The following GATA4 variants were observed in gnomAD, a reference collection of about 807,000 sequenced individuals.
The protein encoded by GATA4 is transcription factor GATA-4.
A neutral mutation model predicts 37.9 loss-of-function variants in GATA4; 7 were observed. The ratio of observed to expected loss-of-function variants is 0.18; its 90% CI spans 0.11 to 0.35. The LOEUF (loss-of-function observed/expected upper bound fraction) is 0.35. Among genes scored for constraint, GATA4 ranks in the 10% least tolerant of loss-of-function variants. The probability of loss-of-function intolerance (pLI) is 1.00; values close to 1 mark genes in which losing one functional copy is unlikely to be tolerated. For missense variants in GATA4, 647 were observed against 653.0 expected (o/e 0.99, Z 0.10); for synonymous variants, 372 against 292.6 (o/e 1.27, Z -2.77).
intron 1 of GATA4, among the ~76,000 whole-genome samples, chr8:11,677,283 T>C (rs935714490): frequency 2.6e-5 from 4 of 152,212 alleles, no homozygotes; most frequent in Non-Finnish European, 5.9e-5. Context: ...GATGAGGCTC[T>C]GTGAAGGCCA....
chr8:11,726,322 G>A (rs576614972), intron 2 of GATA4, among the ~76,000 whole-genome samples: 39 of 152,210 alleles, frequency 2.6e-4, no homozygotes, highest in Non-Finnish European at 3.8e-4. Context: ...CCTGAGAGAC[G>A]CCAGGGAGAC....
intron 1 of GATA4, chr8:11,683,233 G>C: frequency 2.9e-6 from 2 of 690,066 alleles, no homozygotes; most frequent in Non-Finnish European, 3.6e-6. Context: ...GGGGGAGGAC[G>C]GAGGGACGGG....
chr8:11,729,301 G>T (rs1236840431), intron 2 of GATA4, among the ~76,000 whole-genome samples: 1 of 152,134 alleles, frequency 6.6e-6, no homozygotes, highest in Non-Finnish European at 1.5e-5. Flanking sequence ...TGGGCGCGGT[G>T]GCTCATGCCT....
chr8:11,708,381 C>T lies in GATA4; in HGVS notation c.69C>T (p.Pro23=), dbSNP rs1411452741. 2.1e-5 allele frequency: 32 copies of T among 1,554,572 alleles called. No individual in the cohort carries two copies. Among genetic ancestry groups the T allele is most frequent in the Non-Finnish European group, 2.7e-5 (31 of 1,157,578 alleles). ...PPPGAYEAGG[P]GAFMHGAGAA... ...CCGGTGCCTACGAGGCGGGCGGCCCCGGCGCCTTCATGCACGGCGCGGGCG... is the reference window on the plus strand; with the variant it reads ...CCGGTGCCTACGAGGCGGGCGGCCCTGGCGCCTTCATGCACGGCGCGGGCG... Residue 23 remains proline, a synonymous_variant, in exon 2 of 7, where the codon CCC becomes CCT. Transcript: ENST00000532059. This position sits in a 1 kb window ranked among gnomAD's most constrained non-coding sequence, Gnocchi z 6.7.
chr8:11,728,357 CTTTTT>C (rs1476708174), intron 2 of GATA4, among the ~76,000 whole-genome samples: 1 of 152,074 alleles, frequency 6.6e-6, no homozygotes, highest in Non-Finnish European at 1.5e-5. Context: ...AAAATAGTAT[CTTTTT>C]TGTTTTATTT....
In GATA4 at chr8:11,750,353, G is replaced by A; in HGVS notation, c.912+117G>A. On this transcript the variant is annotated intron_variant, in intron 4 of 6. Coordinates refer to ENST00000532059, the MANE Select transcript of GATA4 (RefSeq NM_001308093.3). Reference sequence around the variant, plus strand: ...TTTTCCTTCTTAACAAAGAGACTTAGATTTGGAAGGGGCTTTCAACTACTT... The same window carrying A: ...TTTTCCTTCTTAACAAAGAGACTTAAATTTGGAAGGGGCTTTCAACTACTT... The A allele has an allele frequency of 3.5e-6, 5 of 1,410,254 alleles. No homozygotes were observed. In the South Asian group the frequency reaches 6.0e-5, roughly 17 times the overall value. The allele number at this position is 1,410,254 out of a possible 1,614,324, so 87.4% of individuals were successfully genotyped here. A position where few individuals can be genotyped will look rare whatever the true frequency, so the allele number is the denominator to read the frequency against.
At chr8:11,712,277 C>T (rs1800219918) in intron 2 of GATA4, among the ~76,000 whole-genome samples, 1 of 152,160 alleles carries the variant, frequency 6.6e-6, no homozygotes, top group African/African-American at 2.4e-5. Context: ...CTGGGACAGT[C>T]CCCAGTGAAC....
intron 2 of GATA4, among the ~76,000 whole-genome samples, chr8:11,720,249 C>T (rs769648359): frequency 4.0e-5 from 6 of 151,876 alleles, no homozygotes; most frequent in Non-Finnish European, 5.9e-5. Flanking sequence ...GAGTGTCTTC[C>T]GGCATGCCCC....
At chr8:11,724,588 C>G (rs537031312) in intron 2 of GATA4, among the ~76,000 whole-genome samples, 2 of 152,368 alleles carry the variant, frequency 1.3e-5, no homozygotes, top group Admixed American at 1.3e-4. Flanking sequence ...CTTGCCTTGT[C>G]TTGCCTTTTG....
intron 2 of GATA4, among the ~76,000 whole-genome samples, chr8:11,745,228 G>A (rs1801968725): frequency 6.6e-6 from 1 of 152,134 alleles, no homozygotes; most frequent in Admixed American, 6.5e-5. Context: ...TGAGTCGGCA[G>A]CTGAGATCAC....
chr8:11,692,935 G>T, intron 1 of GATA4: 2 of 984,804 alleles, frequency 2.0e-6, no homozygotes, highest in Non-Finnish European at 2.4e-6. Context: ...GGCCGTCAGC[G>T]CGCACCTCAT....
rs1295112863 is a variant in GATA4 at position 11,749,973 on chromosome 8, G to GT, written c.787-137dup. On this transcript the variant is annotated intron_variant, in intron 3 of 6. Coordinates refer to ENST00000532059, the MANE Select transcript of GATA4 (RefSeq NM_001308093.3). The surrounding 1 kb of genome is among the most constrained non-coding windows in gnomAD (Gnocchi z 4.6). The stretch of plus-strand genomic sequence containing the variant: ...ACAGGAGAGTTAGGTGCCGTCACAG[G>GT]TCAGAGATCTCATGCAGGGTCGTTA... 4.3e-6 allele frequency: 5 copies of GT among 1,153,814 alleles called. No homozygotes were observed. Among genetic ancestry groups the GT allele is most frequent in the South Asian group, 1.3e-5 (1 of 78,084 alleles). 71.5% of individuals were successfully genotyped at this position (1,153,814 alleles called of 1,614,324 possible).
At chr8:11,723,657 T>A (rs1800778518) in intron 2 of GATA4, among the ~76,000 whole-genome samples, 1 of 152,162 alleles carries the variant, frequency 6.6e-6, no homozygotes, top group South Asian at 2.1e-4. Flanking sequence ...TGCTATTGGG[T>A]TAGTCATTCA....
intron 1 of GATA4, chr8:11,697,892 A>G (rs1799552540): frequency 2.6e-5 from 26 of 985,312 alleles, no homozygotes; most frequent in Non-Finnish European, 3.1e-5. Context: ...GGCTCAGGGA[A>G]TGCCAGATCT....
upstream of GATA4, among the ~76,000 whole-genome samples, chr8:11,702,527 T>C (rs529057963): frequency 2.1e-4 from 31 of 151,120 alleles, no homozygotes; most frequent in African/African-American, 6.1e-4. The surrounding 1 kb of genome is among the most constrained non-coding windows in gnomAD (Gnocchi z 4.4). Context: ...TGCTTCCTTC[T>C]CCGCTGAGTC....
chr8:11,757,705 TG>T (rs1313971731), intron 6 of GATA4, among the ~76,000 whole-genome samples: 1 of 152,204 alleles, frequency 6.6e-6, no homozygotes, highest in African/African-American at 2.4e-5. Flanking sequence ...GGGGACGCCC[TG>T]GGGCAGCCCA....
upstream of GATA4, chr8:11,692,544 G>C (rs771647618): frequency 1.1e-5 from 11 of 985,350 alleles, no homozygotes; most frequent in African/African-American, 1.7e-4. Context: ...GATCTAGATT[G>C]AATCTGATCC....
upstream of GATA4, among the ~76,000 whole-genome samples, chr8:11,689,549 G>A (rs951012759): frequency 6.6e-5 from 10 of 152,180 alleles, no homozygotes; most frequent in Admixed American, 1.3e-4. Flanking sequence ...AAGACCATTA[G>A]GAAGATATTC....
Position 11,709,578 on chromosome 8 carries a change from G to GT in GATA4, c.616+650_616+651insT, listed in dbSNP as rs997593773. Among the ~76,000 whole-genome samples the GT allele has an allele frequency of 5.2e-5, 6 of 115,390 alleles. No homozygotes were observed. The highest frequency in any genetic ancestry group is 1.1e-4 in the African/African-American group (2 of 19,032). 75.7% of individuals were successfully genotyped at this position (115,390 alleles called of 152,430 possible). A position where few individuals can be genotyped will look rare whatever the true frequency, so the allele number is the denominator to read the frequency against. On this transcript the variant is annotated intron_variant, in intron 2 of 6. Transcript: ENST00000532059. The surrounding 1 kb of genome is among the most constrained non-coding windows in gnomAD (Gnocchi z 4.3). The stretch of plus-strand genomic sequence containing the variant: ...CGTGGGCGCATCATGCGGGCAGCGG[G>GT]GGGGGGGGCGCACACGCCCGGTCAG...
Sources: gnomAD v4.1 joint callset for allele counts (sites outside exome capture counted in the v4.1 genomes callset) on GRCh38, gnomAD v4.1.1 for gene constraint, Gnocchi (gnomAD v3.1) non-coding constraint, MANE v1.5 for transcripts, NCBI Gene and HGNC (gene_info 2026-07-23, HGNC 2026-07-21) for gene names.